Variants in CDH4 observed in about 807,000 individuals in gnomAD.
CDH4 encodes the protein cadherin-4.
Under a neutral mutation model 86.0 loss-of-function variants are expected in CDH4, and 33 were observed. The observed-to-expected ratio is 0.38, with a 90% CI of 0.29 to 0.51. The LOEUF is 0.51. Ranked by LOEUF, CDH4 falls within the 20% of genes least tolerant of loss-of-function variation. CDH4 has a pLI of 0.86. For synonymous variants in CDH4, 555 were observed against 549.4 expected (o/e 1.01, Z -0.14); for missense variants, 1,114 against 1,307.4 (o/e 0.85, Z 2.28).
chr20:61,544,958 A>C lies in CDH4; in HGVS notation c.170-198605A>C, dbSNP rs1030497824. Among the ~76,000 whole-genome samples, 3 of 152,220 alleles carry C rather than the reference A, an allele frequency of 2.0e-5. No individual in the cohort carries two copies. The highest frequency in any genetic ancestry group is 2.9e-5 in the Non-Finnish European group (2 of 68,028). On this transcript the variant is annotated intron_variant, in intron 2 of 15. Coordinates refer to ENST00000614565, the MANE Select transcript of CDH4 (RefSeq NM_001794.5). The surrounding 1 kb of genome is among the most constrained non-coding windows in gnomAD (Gnocchi z 6.5). ...TAATTAGATATCCAGGTAGACAAGT[A>C]GGGTGACTAGCAAATGACCCTTGAG... is the stretch of plus-strand genomic sequence containing the variant.
chr20:61,534,344 G>A (rs997701618), intron 2 of CDH4, among the ~76,000 whole-genome samples: 2 of 152,234 alleles, frequency 1.3e-5, no homozygotes, highest in Non-Finnish European at 2.9e-5. Context: ...CACGGGGCAG[G>A]AGGATGGTTT....
intron 2 of CDH4, among the ~76,000 whole-genome samples, chr20:61,403,943 G>A (rs1183141330): frequency 6.6e-6 from 1 of 152,224 alleles, no homozygotes; most frequent in African/African-American, 2.4e-5. Flanking sequence ...TCCAGCTCAT[G>A]TAAATATCTC....
chr20:61,640,270 G>A (rs906190894), intron 2 of CDH4, among the ~76,000 whole-genome samples: 1 of 152,368 alleles, frequency 6.6e-6, no homozygotes, highest in Middle Eastern at 3.4e-3. Context: ...CAGAGAGCAC[G>A]CACAGCAGCA....
At chr20:61,766,058 A>C (rs1405206239) in intron 3 of CDH4, among the ~76,000 whole-genome samples, 2 of 151,340 alleles carry the variant, frequency 1.3e-5, no homozygotes, top group Non-Finnish European at 3.0e-5. Context: ...GTTCTCTAGG[A>C]CCCCACTAGG....
At chr20:61,924,158 G>A (rs1468112214) in intron 10 of CDH4, among the ~76,000 whole-genome samples, 176 bp from the exon 11 acceptor site, 3 of 152,122 alleles carry the variant, frequency 2.0e-5, no homozygotes, top group Admixed American at 6.5e-5. Flanking sequence ...GGGGGGGAGG[G>A]TGCCAGTCCA....
At chr20:61,575,934 T>C (rs548800275) in intron 2 of CDH4, among the ~76,000 whole-genome samples, 27 of 152,240 alleles carry the variant, frequency 1.8e-4, no homozygotes, top group African/African-American at 6.3e-4. Context: ...GGGATGGGGC[T>C]GGAAAGACAG....
At chr20:61,657,510 C>G (rs1442041969) in intron 2 of CDH4, among the ~76,000 whole-genome samples, 1 of 152,214 alleles carries the variant, frequency 6.6e-6, no homozygotes, top group Non-Finnish European at 1.5e-5. Flanking sequence ...AAAAAACATT[C>G]TAAAGGATCT....
intron 2 of CDH4, among the ~76,000 whole-genome samples, chr20:61,569,801 C>T (rs1223172295): frequency 6.6e-6 from 1 of 152,174 alleles, no homozygotes; most frequent in Admixed American, 6.5e-5. Flanking sequence ...CTTTCTTTGT[C>T]TTGCCTAACA....
At chr20:61,321,183 C>T (rs1036929815) in intron 2 of CDH4, among the ~76,000 whole-genome samples, 3 of 152,142 alleles carry the variant, frequency 2.0e-5, no homozygotes, top group South Asian at 2.1e-4. Context: ...TCTCATTAGT[C>T]GTTGATTGAG....
rs1437327710 is a variant in CDH4, at chr20:61,417,511, C to T, written c.169+162574C>T. Among the ~76,000 whole-genome samples the T allele has an allele frequency of 6.6e-6, 1 of 152,190 alleles. No homozygotes were observed. Among genetic ancestry groups the T allele is most frequent in the Non-Finnish European group, 1.5e-5 (1 of 68,046 alleles). ...GGGTCCGGAGTTGGGAGTTGGGAATCGGGCCATCGGAACATCTCCCCTTCT... is the reference window on the plus strand; with the variant it reads ...GGGTCCGGAGTTGGGAGTTGGGAATTGGGCCATCGGAACATCTCCCCTTCT... On this transcript the variant is annotated intron_variant, in intron 2 of 15. Coordinates refer to ENST00000614565, the MANE Select transcript of CDH4 (RefSeq NM_001794.5). This position sits in a 1 kb window ranked among gnomAD's most constrained non-coding sequence, Gnocchi z 4.0.
At chr20:61,649,970 G>A (rs1302821064) in intron 2 of CDH4, among the ~76,000 whole-genome samples, 3 of 152,172 alleles carry the variant, frequency 2.0e-5, no homozygotes, top group African/African-American at 4.8e-5. Context: ...AGAGGATGCC[G>A]GGCCTTCTGC....
At position 61,393,191 on chromosome 20, in the gene CDH4, C is replaced by T. The variant is rs1005953789; in HGVS notation, c.169+138254C>T. ...AGAGCAGTCTTGGTGACATTGACAA[C>T]ACTGTTTAATCGGTCCTCGCGGGAG... On this transcript the variant is annotated intron_variant, in intron 2 of 15. Coordinates refer to ENST00000614565, the MANE Select transcript of CDH4 (RefSeq NM_001794.5). The surrounding 1 kb of genome is among the most constrained non-coding windows in gnomAD (Gnocchi z 4.3). Among the ~76,000 whole-genome samples the T allele has an allele frequency of 6.6e-6, 1 of 152,286 alleles. No homozygotes were observed. The highest frequency in any genetic ancestry group is 1.9e-4 in the East Asian group (1 of 5,180).
At chr20:61,694,459 A>T (rs1459275009) in intron 2 of CDH4, among the ~76,000 whole-genome samples, 1 of 152,194 alleles carries the variant, frequency 6.6e-6, no homozygotes, top group Non-Finnish European at 1.5e-5. Context: ...GAGGGAAATG[A>T]GGAGGTAAAC....
rs1164427937 is a variant in CDH4 at position 61,623,557 on chromosome 20, G to A, written c.170-120006G>A. ...TAATCAAACCATATCAAGAGAGCCC[G>A]CAGGGTCATCAAGAGCTAGACCCAG... On this transcript the variant is annotated intron_variant, in intron 2 of 15. Coordinates refer to ENST00000614565, the MANE Select transcript of CDH4 (RefSeq NM_001794.5). This position sits in a 1 kb window ranked among gnomAD's most constrained non-coding sequence, Gnocchi z 4.4. Among the ~76,000 whole-genome samples the A allele has an allele frequency of 6.6e-6, 1 of 152,096 alleles. No homozygotes were observed. Among genetic ancestry groups the A allele is most frequent in the Admixed American group, 6.5e-5 (1 of 15,270 alleles).
At chr20:61,439,274 G>A in intron 2 of CDH4, among the ~76,000 whole-genome samples, 1 of 152,192 alleles carries the variant, frequency 6.6e-6, no homozygotes. Context: ...TTGTACTGCA[G>A]TGTGCATTTC....
At chr20:61,760,274 G>A (rs1401937227) in intron 3 of CDH4, among the ~76,000 whole-genome samples, 2 of 152,194 alleles carry the variant, frequency 1.3e-5, no homozygotes, top group African/African-American at 4.8e-5. Context: ...ACGGGGTGAT[G>A]GTAATTGTTA....
At chr20:61,889,486 GA>G (rs1984699322) in intron 7 of CDH4, among the ~76,000 whole-genome samples, 1 of 151,190 alleles carries the variant, frequency 6.6e-6, no homozygotes, top group Non-Finnish European at 1.5e-5. Context: ...ATGGATGAGT[GA>G]GTGGATGATG....
chr20:61,872,290 C>A (rs1983838548), intron 6 of CDH4, among the ~76,000 whole-genome samples: 1 of 152,124 alleles, frequency 6.6e-6, no homozygotes, highest in South Asian at 2.1e-4. Flanking sequence ...TGTTTCAATG[C>A]AGGTGAGATG....
chr20:61,503,911 C>A (rs578226399), intron 2 of CDH4, among the ~76,000 whole-genome samples: 4 of 152,174 alleles, frequency 2.6e-5, no homozygotes, highest in African/African-American at 9.7e-5. Flanking sequence ...CTGAACTCTG[C>A]GTCTTTGGCT....
Sources: allele counts gnomAD v4.1 joint callset (sites outside exome capture counted in the v4.1 genomes callset), GRCh38; gene constraint gnomAD v4.1.1; non-coding constraint Gnocchi (gnomAD v3.1); transcripts MANE v1.5; gene names NCBI Gene and HGNC (gene_info 2026-07-23, HGNC 2026-07-21).